The following PAX8 variants were observed in gnomAD, a reference collection of about 807,000 sequenced individuals.
PAX8 encodes the protein paired box 8, also known as paired box protein Pax-8.
PAX8 carries 15 observed loss-of-function variants against 52.4 expected under a neutral mutation model. That is an observed-to-expected ratio of 0.29 (90% CI 0.19 to 0.44). The LOEUF is 0.44. PAX8 is among the 20% of genes least tolerant of loss of function. The probability of loss-of-function intolerance (pLI) is 1.00; values close to 1 mark genes in which losing one functional copy is unlikely to be tolerated. For missense variants in PAX8, 554 were observed against 602.5 expected, an observed-to-expected ratio of 0.92 and a Z score of 0.84; for synonymous variants, 284 against 249.7, an observed-to-expected ratio of 1.14 and a Z score of -1.29.
At chr2:113,221,885 T>C (rs1294342280) in intron 10 of PAX8, among the ~76,000 whole-genome samples, 1 of 151,958 alleles carries the variant, frequency 6.6e-6, no homozygotes, top group Non-Finnish European at 1.5e-5. Flanking sequence ...GAAAGTTCCT[T>C]AGGGGCAGAG....
chr2:113,273,809 T>C (rs1693626363), intron 2 of PAX8: 1 of 152,154 alleles, frequency 6.6e-6, no homozygotes, highest in Non-Finnish European at 1.5e-5. Context: ...ATTTCACTAA[T>C]AGTGAGGTTG....
At chr2:113,219,947 T>G in intron 11 of PAX8, 145 bp downstream of exon 11, 1 of 621,506 alleles carries the variant, frequency 1.6e-6, no homozygotes, top group East Asian at 2.8e-5. Context: ...TCCTGCTGCC[T>G]TCTTCCATCA....
rs572645206 is a variant in PAX8, at chr2:113,247,514, G to T, written c.26-595C>A. On this transcript the variant is annotated intron_variant, in intron 2 of 11. Coordinates refer to ENST00000429538, the MANE Select transcript of PAX8 (RefSeq NM_003466.4). Reference sequence around the variant, plus strand: ...ACTTCTGGCCTGAATGACCCCCAAGGTTCCTTCTTTCTCTAATAGGCCAGA... The same window carrying T: ...ACTTCTGGCCTGAATGACCCCCAAGTTTCCTTCTTTCTCTAATAGGCCAGA... Among the ~76,000 whole-genome samples, 5 of 148,162 alleles carry T rather than the reference G, an allele frequency of 3.4e-5. No homozygotes were observed. In the East Asian group the frequency reaches 7.8e-4, roughly 23 times the overall value.
At chr2:113,250,037 G>A (rs1573486808) in intron 2 of PAX8, among the ~76,000 whole-genome samples, 1 of 152,208 alleles carries the variant, frequency 6.6e-6, no homozygotes, top group East Asian at 1.9e-4. Flanking sequence ...GGAGGCCGAG[G>A]TGGGTGGATC....
chr2:113,226,657 ATCATCGTCATCG>A (rs1173960252), intron 10 of PAX8: 1 of 1,092,838 alleles, frequency 9.2e-7, no homozygotes, highest in African/African-American at 1.7e-5. Context: ...TTTCATCATC[ATCATCGTCATCG>A]TCATCATCAT....
intron 9 of PAX8, among the ~76,000 whole-genome samples, chr2:113,232,665 T>C (rs2166421): frequency 0.17 from 26,322 of 152,192 alleles, 2,780 homozygotes; most frequent in Non-Finnish European, 0.24. Flanking sequence ...TCACCTCTGA[T>C]TGACTGCATG....
chr2:113,232,511 T>C (rs781131244), intron 9 of PAX8, among the ~76,000 whole-genome samples: 3 of 152,188 alleles, frequency 2.0e-5, no homozygotes, highest in Non-Finnish European at 4.4e-5. Context: ...CGGTGCTGCA[T>C]ATTTGGCTGC....
At chr2:113,230,535 T>C (rs1364175327) in intron 9 of PAX8, 1 of 152,186 alleles carries the variant, frequency 6.6e-6, no homozygotes, top group East Asian at 1.9e-4. Context: ...GTCTTCCCAA[T>C]GGGGTAGAGG....
rs1004034395 is a variant in PAX8, at chr2:113,241,735, C to A, written c.602-9G>T. ...GCAGCTATCCTGATCACCTGGTACCCCCCGGGAAGGAAGAAAGCTTTTAGG... is the reference window on the plus strand; with the variant it reads ...GCAGCTATCCTGATCACCTGGTACCACCCGGGAAGGAAGAAAGCTTTTAGG... On this transcript the variant is annotated splice_polypyrimidine_tract_variant and intron_variant, in intron 6 of 11. Transcript: ENST00000429538. The A allele has an allele frequency of 1.1e-5, 17 of 1,613,776 alleles. No individual in the cohort carries two copies. The highest frequency in any genetic ancestry group is 1.4e-5 in the Non-Finnish European group (16 of 1,179,964).
chr2:113,265,723 A>G (rs1693005684), intron 2 of PAX8: 1 of 152,190 alleles, frequency 6.6e-6, no homozygotes. Flanking sequence ...AGGCAGAGGC[A>G]TGGTCTCCTG....
chr2:113,236,679 C>A lies in PAX8; in HGVS notation c.820G>T (p.Gly274Trp), dbSNP rs374054907. The A allele has an allele frequency of 6.3e-7, 1 of 1,588,706 alleles. No homozygotes were observed. The highest frequency in any genetic ancestry group is 1.3e-5 in the African/African-American group (1 of 74,640). ...LPLLNSTLDDGKATLTPSNTP... is the reference protein window; with the variant it reads ...LPLLNSTLDDWKATLTPSNTP... Reference sequence around the variant, plus strand: ...TTGGAAGGGGTCAGGGTGGCCTTCCCGTCGTCCAGGGTGCTGTTGAGCAAG... The same window carrying A: ...TTGGAAGGGGTCAGGGTGGCCTTCCAGTCGTCCAGGGTGCTGTTGAGCAAG... The change falls in exon 8 of 12, where the codon GGG becomes TGG. Residue 274 changes from glycine (G) to tryptophan (W), a missense_variant. Physicochemically the swap from Gly to Trp is radical, Grantham distance 184. Transcript: ENST00000429538.
intron 7 of PAX8, 105 bp from the exon 8 acceptor site, chr2:113,236,826 G>A: frequency 6.6e-6 from 9 of 1,354,428 alleles, no homozygotes; most frequent in Non-Finnish European, 8.0e-6. Context: ...ATCTCCCCAG[G>A]AGAGGTCCTC....
chr2:113,218,662 T>A, intron 11 of PAX8, 53 bp from the exon 12 acceptor site: 3 of 1,189,388 alleles, frequency 2.5e-6, no homozygotes, highest in Non-Finnish European at 3.6e-6. Flanking sequence ...AAAGGAAAAT[T>A]GCACCATAGC....
At position 113,236,593 on chromosome 2, in the gene PAX8, C is replaced by T. The variant is rs755416098; in HGVS notation, c.898+8G>A. ...CTCCACCTGCCAGGGAGGCTCCGGG[C>T]GTTGTACCTGCCACCACGGGGTAGG... On this transcript the variant is annotated splice_region_variant and intron_variant, in intron 8 of 11. Coordinates refer to ENST00000429538, the MANE Select transcript of PAX8 (RefSeq NM_003466.4). 1.3e-6 allele frequency: 2 copies of T among 1,563,808 alleles called. No individual in the cohort carries two copies. The highest frequency in any genetic ancestry group is 4.8e-5 in the East Asian group (2 of 42,064).
At chr2:113,263,806 T>TA (rs1264720241) in intron 2 of PAX8, among the ~76,000 whole-genome samples, 1 of 152,200 alleles carries the variant, frequency 6.6e-6, no homozygotes, top group Non-Finnish European at 1.5e-5. Flanking sequence ...ATGCTGATCA[T>TA]AAAAAAATCC....
chr2:113,258,044 G>T (rs1052885628), intron 2 of PAX8, among the ~76,000 whole-genome samples: 2 of 152,058 alleles, frequency 1.3e-5, no homozygotes, highest in East Asian at 3.9e-4. Flanking sequence ...CCCACCTCCG[G>T]CGCCACCCCT....
intron 2 of PAX8, chr2:113,250,812 G>T (rs1031313393): frequency 6.6e-6 from 1 of 152,236 alleles, no homozygotes; most frequent in African/African-American, 2.4e-5. Flanking sequence ...AAGAATCCTG[G>T]CCTTCAAGGA....
chr2:113,242,853 C>A, intron 4 of PAX8, 75 bp from the exon 5 acceptor site: 1 of 1,126,946 alleles, frequency 8.9e-7, no homozygotes, highest in Non-Finnish European at 1.4e-6. Context: ...GACCCAGTCG[C>A]CTTTTTGACA....
intron 2 of PAX8, chr2:113,276,193 A>G (rs1693802365): frequency 1.3e-5 from 2 of 152,260 alleles, no homozygotes; most frequent in Non-Finnish European, 2.9e-5. Flanking sequence ...AGCTCCGGTT[A>G]TAGACAACAG....
Sources: gnomAD v4.1 joint callset for allele counts (sites outside exome capture counted in the v4.1 genomes callset) on GRCh38, gnomAD v4.1.1 for gene constraint, MANE v1.5 for transcripts, NCBI Gene and HGNC (gene_info 2026-07-23, HGNC 2026-07-21) for gene names.